The following ZNF184 variants were observed in gnomAD, a reference collection of about 807,000 sequenced individuals.
ZNF184 encodes the protein zinc finger protein 184.
Under a neutral mutation model 54.4 loss-of-function variants are expected in ZNF184, and 16 were observed. The observed-to-expected ratio is 0.29, with a 90% CI of 0.20 to 0.45. The LOEUF (loss-of-function observed/expected upper bound fraction) is 0.45. Among genes scored for constraint, ZNF184 ranks in the 20% least tolerant of loss-of-function variants. ZNF184 has a pLI of 1.00. For synonymous variants in ZNF184, 254 were observed against 295.3 expected, an observed-to-expected ratio of 0.86 and a Z score of 1.43; for missense variants, 681 against 888.2, an observed-to-expected ratio of 0.77 and a Z score of 2.97.
chr6:27,443,775 C>T, the ZNF184 span, among the ~76,000 whole-genome samples: 1 of 152,090 alleles, frequency 6.6e-6, no homozygotes, highest in African/African-American at 2.4e-5. Flanking sequence ...TTCTAACTCC[C>T]TTCCCACCTC....
chr6:27,458,770 A>C (rs2113721081), intron 3 of ZNF184, among the ~76,000 whole-genome samples: 1 of 152,318 alleles, frequency 6.6e-6, no homozygotes, highest in Admixed American at 6.5e-5. Flanking sequence ...AAAGAGACAC[A>C]TGCATCCCCA....
the ZNF184 span, among the ~76,000 whole-genome samples, chr6:27,440,248 T>C: frequency 6.6e-6 from 1 of 152,230 alleles, no homozygotes; most frequent in Non-Finnish European, 1.5e-5. Context: ...AGTGAAGCTC[T>C]ATTGAGAGGT....
chr6:27,456,004 T>A (rs962892210), intron 5 of ZNF184, among the ~76,000 whole-genome samples: 1 of 152,176 alleles, frequency 6.6e-6, no homozygotes, highest in African/African-American at 2.4e-5. Flanking sequence ...ACACCTGTAA[T>A]TGCAGCACTT....
intron 2 of ZNF184, 29 bp from the exon 3 acceptor site, chr6:27,467,949 T>G: frequency 6.5e-7 from 1 of 1,531,546 alleles, no homozygotes; most frequent in Non-Finnish European, 8.8e-7. Context: ...GCCATATGAC[T>G]TCTGTTCAAT....
the ZNF184 span, among the ~76,000 whole-genome samples, chr6:27,414,799 C>T: frequency 6.6e-6 from 1 of 151,894 alleles, no homozygotes; most frequent in African/African-American, 2.4e-5. Context: ...GAGAGTTCCC[C>T]AAAAGCAGGA....
the ZNF184 span, among the ~76,000 whole-genome samples, chr6:27,407,330 C>T: frequency 1.6e-4 from 24 of 152,212 alleles, no homozygotes; most frequent in Non-Finnish European, 1.3e-4. Flanking sequence ...GCTGCTTGAG[C>T]CAGCTGCTCC....
chr6:27,469,092 GT>G (rs1461745410), intron 2 of ZNF184, among the ~76,000 whole-genome samples: 5 of 152,120 alleles, frequency 3.3e-5, no homozygotes, highest in Non-Finnish European at 5.9e-5. Context: ...AAAATGACTC[GT>G]CTGGTAATTA....
chr6:27,448,342 T>C (rs1762660921), downstream of ZNF184, among the ~76,000 whole-genome samples: 1 of 152,224 alleles, frequency 6.6e-6, no homozygotes, highest in African/African-American at 2.4e-5. Context: ...AATATCTTTG[T>C]TTAAGCCACC....
chr6:27,408,145 G>A, the ZNF184 span: 28 of 654,702 alleles, frequency 4.3e-5, no homozygotes, highest in Non-Finnish European at 7.8e-5. Context: ...GGGTGAGAAG[G>A]GATCAAGAGA....
rs1336432827 is a variant in ZNF184, at chr6:27,472,095, TA to T, written c.7+192del. Reference sequence around the variant, plus strand: ...TCCCCAATGGAACGAAAGAAAAAAATAAACTCCTCTCCCAAGTATCTCTCTA... The same window carrying T: ...TCCCCAATGGAACGAAAGAAAAAAATAACTCCTCTCCCAAGTATCTCTCTA... On this transcript the variant is annotated intron_variant, in intron 2 of 5. Transcript: ENST00000683788. This position sits in a 1 kb window ranked among gnomAD's most constrained non-coding sequence, Gnocchi z 4.8. Among the ~76,000 whole-genome samples the T allele has an allele frequency of 6.6e-6, 1 of 152,124 alleles. No individual in the cohort carries two copies. The highest frequency in any genetic ancestry group is 1.9e-4 in the East Asian group (1 of 5,178).
Position 27,451,292 on chromosome 6 carries a change from T to C in ZNF184, c.*11A>G, listed in dbSNP as rs527936201. 1 of 1,570,006 alleles carries C rather than the reference T, an allele frequency of 6.4e-7. No homozygotes were observed. Among genetic ancestry groups the C allele is most frequent in the South Asian group, 1.2e-5 (1 of 83,522 alleles). ...AATATCTCCCCTAAATTTATGATGT[T>C]CCTAGAATTGTCATATGCCAGGATG... On this transcript the variant is annotated 3_prime_UTR_variant, in exon 6 of 6. Transcript: ENST00000683788.
At chr6:27,467,710 T>C in intron 3 of ZNF184, 143 bp downstream of exon 3, 2 of 654,702 alleles carry the variant, frequency 3.1e-6, no homozygotes, top group Non-Finnish European at 5.0e-6. Context: ...GAGGCACAGC[T>C]AGGAATGCGG....
the ZNF184 span, chr6:27,404,876 G>A: frequency 6.6e-6 from 1 of 152,118 alleles, no homozygotes; most frequent in Non-Finnish European, 1.5e-5. Context: ...AATTAGCCAG[G>A]CGTGGTGGCT....
chr6:27,440,631 T>G, the ZNF184 span, among the ~76,000 whole-genome samples: 1 of 152,290 alleles, frequency 6.6e-6, no homozygotes, highest in East Asian at 1.9e-4. Flanking sequence ...ATGATTTTCT[T>G]AAGAAAACGA....
chr6:27,471,759 C>T (rs1337801420), intron 2 of ZNF184, among the ~76,000 whole-genome samples: 1 of 152,110 alleles, frequency 6.6e-6, no homozygotes, highest in Non-Finnish European at 1.5e-5. Context: ...AGACAGTTTC[C>T]TTTTCTTTGG....
the ZNF184 span, among the ~76,000 whole-genome samples, chr6:27,425,700 G>A: frequency 6.6e-6 from 1 of 152,134 alleles, no homozygotes; most frequent in Non-Finnish European, 1.5e-5. Context: ...CCTGCCTCAC[G>A]TTCAGGTCGT....
the ZNF184 span, among the ~76,000 whole-genome samples, chr6:27,422,163 A>AGAAAGAAAGAAG: frequency 6.7e-5 from 3 of 44,642 alleles, no homozygotes; most frequent in Non-Finnish European, 1.6e-4. Flanking sequence ...AAAGAAAGAA[A>AGAAAGAAAGAAG]GAAAGAAAGA....
the ZNF184 span, among the ~76,000 whole-genome samples, chr6:27,424,671 G>A: frequency 6.6e-6 from 1 of 152,204 alleles, no homozygotes; most frequent in South Asian, 2.1e-4. Context: ...CCTTGAGCCA[G>A]ATACAGAGTG....
the ZNF184 span, among the ~76,000 whole-genome samples, chr6:27,429,904 G>A: frequency 6.6e-6 from 1 of 152,198 alleles, no homozygotes; most frequent in Admixed American, 6.5e-5. Context: ...GTGGCACAGA[G>A]CCTTCATAAG....
Sources: allele counts gnomAD v4.1 joint callset (sites outside exome capture counted in the v4.1 genomes callset), GRCh38; gene constraint gnomAD v4.1.1; non-coding constraint Gnocchi (gnomAD v3.1); transcripts MANE v1.5; gene names NCBI Gene and HGNC (gene_info 2026-07-23, HGNC 2026-07-21).